The following PHF24 variants were observed in gnomAD, a reference collection of about 807,000 sequenced individuals.
PHF24 encodes the protein Galpha inhibitory interacting protein.
PHF24 carries 25 observed loss-of-function variants against 42.6 expected under a neutral mutation model. The ratio of observed to expected loss-of-function variants is 0.59; its 90% CI spans 0.43 to 0.82. The LOEUF (loss-of-function observed/expected upper bound fraction) is 0.82. Ranked by LOEUF, PHF24 falls within the 40% of genes least tolerant of loss-of-function variation. The probability of loss-of-function intolerance (pLI) is 0.00; values close to 1 mark genes in which losing one functional copy is unlikely to be tolerated. For synonymous variants in PHF24, 185 were observed against 204.8 expected, an observed-to-expected ratio of 0.90 and a Z score of 0.83; for missense variants, 470 against 538.1, an observed-to-expected ratio of 0.87 and a Z score of 1.25.
At chr9:34,903,954 G>A in the PHF24 span, among the ~76,000 whole-genome samples, 1 of 152,090 alleles carries the variant, frequency 6.6e-6, no homozygotes, top group Non-Finnish European at 1.5e-5. Context: ...TTGTAAGGGA[G>A]GTTGAGTTCT....
At chr9:34,862,051 T>C in the PHF24 span, among the ~76,000 whole-genome samples, 1 of 152,192 alleles carries the variant, frequency 6.6e-6, no homozygotes, top group Non-Finnish European at 1.5e-5. Flanking sequence ...TACTGCCAAC[T>C]TCTTGCTGTG....
At chr9:34,835,725 A>G in the PHF24 span, 4 of 1,551,096 alleles carry the variant, frequency 2.6e-6, no homozygotes, top group Admixed American at 3.9e-5. Context: ...CTTGTATGCC[A>G]TCTGCATACG....
At chr9:34,767,659 A>G in the PHF24 span, among the ~76,000 whole-genome samples, 1 of 152,206 alleles carries the variant, frequency 6.6e-6, no homozygotes, top group Non-Finnish European at 1.5e-5. Flanking sequence ...GCGCTTCCGG[A>G]GTGAGGCAAT....
the PHF24 span, among the ~76,000 whole-genome samples, chr9:34,757,801 G>C: frequency 6.6e-6 from 1 of 152,064 alleles, no homozygotes. Context: ...AGACTTGCTG[G>C]GCTGTTTCTC....
the PHF24 span, among the ~76,000 whole-genome samples, chr9:34,842,774 T>C: frequency 2.6e-5 from 4 of 152,190 alleles, no homozygotes; most frequent in Admixed American, 2.6e-4. Flanking sequence ...ATTAAAACTG[T>C]GTGTGTTTAA....
At chr9:34,778,549 G>A in the PHF24 span, among the ~76,000 whole-genome samples, 3 of 152,250 alleles carry the variant, frequency 2.0e-5, no homozygotes, top group East Asian at 5.8e-4. Context: ...AATGATAAAA[G>A]GGTCAATCCC....
At chr9:34,743,915 G>A in the PHF24 span, among the ~76,000 whole-genome samples, 1 of 152,188 alleles carries the variant, frequency 6.6e-6, no homozygotes, top group Non-Finnish European at 1.5e-5. Flanking sequence ...GTGGAAGGCA[G>A]AAGGCAGAAG....
At chr9:34,670,805 C>T in the PHF24 span, among the ~76,000 whole-genome samples, 5 of 152,092 alleles carry the variant, frequency 3.3e-5, no homozygotes, top group Non-Finnish European at 5.9e-5. Flanking sequence ...TACTAAGATA[C>T]CTGGGAGTAG....
the PHF24 span, among the ~76,000 whole-genome samples, chr9:34,800,015 G>A: frequency 6.6e-6 from 1 of 152,038 alleles, no homozygotes; most frequent in African/African-American, 2.4e-5. Context: ...TGGAAGATGA[G>A]AAATTACTTA....
the PHF24 span, among the ~76,000 whole-genome samples, chr9:34,867,480 A>G: frequency 6.6e-6 from 1 of 152,104 alleles, no homozygotes; most frequent in Non-Finnish European, 1.5e-5. Context: ...CCTGTAGGCT[A>G]CTGCCAAGTG....
rs115341191 is a variant in PHF24, at chr9:34,978,163, C to T, written c.*52C>T. 1,398 of 1,383,018 alleles carry T rather than the reference C, an allele frequency of 1.0e-3. 23 individuals carry two copies. In the African/African-American group the frequency reaches 0.018, roughly 18 times the overall value. The allele number at this position is 1,383,018 out of a possible 1,614,324, so 85.7% of individuals were successfully genotyped here. On this transcript the variant is annotated 3_prime_UTR_variant, in exon 8 of 8. Coordinates refer to ENST00000242315, the Ensembl canonical transcript of PHF24. ...GACAGTGACATCCTCTCCCTCCTTT[C>T]CTTTCTCCCTTCCCCCACCAACCTC...
At chr9:34,907,214 C>G in the PHF24 span, among the ~76,000 whole-genome samples, 1 of 152,168 alleles carries the variant, frequency 6.6e-6, no homozygotes, top group African/African-American at 2.4e-5. Flanking sequence ...TCCCGTGTAG[C>G]TCTACCTCTC....
At chr9:34,974,749 C>T (rs1827126178) in intron 3 of PHF24, among the ~76,000 whole-genome samples, 1 of 152,142 alleles carries the variant, frequency 6.6e-6, no homozygotes, top group Non-Finnish European at 1.5e-5. Context: ...CTGTCTCTTG[C>T]ACTTATCCAC....
the PHF24 span, among the ~76,000 whole-genome samples, chr9:34,784,096 C>G: frequency 6.6e-6 from 1 of 152,310 alleles, no homozygotes; most frequent in South Asian, 2.1e-4. Context: ...TGTAGGTAAT[C>G]TCCCTGCATG....
the PHF24 span, among the ~76,000 whole-genome samples, chr9:34,930,198 G>C: frequency 6.6e-6 from 1 of 152,166 alleles, no homozygotes; most frequent in East Asian, 1.9e-4. Flanking sequence ...GGTTTGTGCA[G>C]GTTTCTCAGT....
chr9:34,783,949 C>T, the PHF24 span, among the ~76,000 whole-genome samples: 61 of 152,290 alleles, frequency 4.0e-4, no homozygotes, highest in African/African-American at 1.3e-3. Context: ...AACTCTCCAT[C>T]TACTTGCTGA....
the PHF24 span, among the ~76,000 whole-genome samples, chr9:34,715,716 G>A: frequency 2.6e-5 from 4 of 152,152 alleles, no homozygotes; most frequent in Non-Finnish European, 4.4e-5. Flanking sequence ...AGCCCTACCC[G>A]TGATGATGAA....
the PHF24 span, among the ~76,000 whole-genome samples, chr9:34,868,173 G>A: frequency 6.6e-6 from 1 of 152,102 alleles, no homozygotes; most frequent in Non-Finnish European, 1.5e-5. Context: ...AAGCAGAGTG[G>A]GTGTGATGAG....
At chr9:34,708,237 G>A in the PHF24 span, among the ~76,000 whole-genome samples, 1 of 152,076 alleles carries the variant, frequency 6.6e-6, no homozygotes, top group Admixed American at 6.6e-5. Context: ...CTGGGGTTCT[G>A]AAAACCTGCC....
Sources: allele counts gnomAD v4.1 joint callset (sites outside exome capture counted in the v4.1 genomes callset), GRCh38; gene constraint gnomAD v4.1.1; transcripts MANE v1.5; gene names NCBI Gene and HGNC (gene_info 2026-07-23, HGNC 2026-07-21).